Variants in PRPF18 observed in about 807,000 individuals in gnomAD.
PRPF18 encodes pre-mRNA-splicing factor 18.
A neutral mutation model predicts 46.5 loss-of-function variants in PRPF18; 38 were observed. That is an observed-to-expected ratio of 0.82 (90% CI 0.63 to 1.07). The LOEUF is 1.07. Ranked by LOEUF, PRPF18 falls within the 50% of genes least tolerant of loss-of-function variation. The probability of loss-of-function intolerance (pLI) is 0.00; values close to 1 mark genes in which losing one functional copy is unlikely to be tolerated. For synonymous variants in PRPF18, 152 were observed against 146.7 expected (o/e 1.04, Z -0.26); for missense variants, 263 against 410.0 (o/e 0.64, Z 3.10).
chr10:13,587,717 G>T (rs182131466), intron 1 of PRPF18, among the ~76,000 whole-genome samples: 1 of 152,342 alleles, frequency 6.6e-6, no homozygotes, highest in East Asian at 1.9e-4. Flanking sequence ...CTAAAACCCG[G>T]AAAACTTTGT....
the PRPF18 span, chr10:13,644,626 T>C: frequency 6.6e-6 from 1 of 152,222 alleles, no homozygotes; most frequent in Non-Finnish European, 1.5e-5. Context: ...TTCTCCAGAC[T>C]AGATTTCAAG....
chr10:13,605,775 C>A, intron 4 of PRPF18, 31 bp downstream of exon 4: 1 of 1,593,168 alleles, frequency 6.3e-7, no homozygotes, highest in Non-Finnish European at 8.5e-7. Flanking sequence ...TAGAAAAATA[C>A]CACTGTACTG....
chr10:13,587,314 G>T, intron 1 of PRPF18, 162 bp downstream of exon 1: 1 of 725,084 alleles, frequency 1.4e-6, no homozygotes, highest in Non-Finnish European at 2.4e-6. Context: ...CCAACCCTTG[G>T]CGTCTCACTG....
chr10:13,621,670 A>G (rs1309632684), intron 9 of PRPF18, among the ~76,000 whole-genome samples: 2 of 152,196 alleles, frequency 1.3e-5, no homozygotes, highest in African/African-American at 4.8e-5. Context: ...CTATGTATAG[A>G]TGAATTGATC....
At chr10:13,642,874 T>C in the PRPF18 span, 5 of 152,350 alleles carry the variant, frequency 3.3e-5, no homozygotes, top group East Asian at 1.9e-4. Flanking sequence ...TGATTCTCAG[T>C]GGATTGTTTT....
At chr10:13,598,376 A>G (rs563399931) in intron 2 of PRPF18, among the ~76,000 whole-genome samples, 1 of 152,292 alleles carries the variant, frequency 6.6e-6, no homozygotes, top group South Asian at 2.1e-4. Flanking sequence ...TGCTTGTAAA[A>G]TATCAATATA....
intron 9 of PRPF18, among the ~76,000 whole-genome samples, chr10:13,625,199 G>A (rs1282954154): frequency 5.9e-5 from 9 of 151,974 alleles, no homozygotes; most frequent in Non-Finnish European, 1.3e-4. Flanking sequence ...ACGTGGTGGT[G>A]CATGCCTATT....
chr10:13,593,931 G>T lies in PRPF18; in HGVS notation c.67-3527G>T, dbSNP rs146993855. 1.6e-4 allele frequency among the ~76,000 whole-genome samples: 24 copies of T among 152,286 alleles called. No individual in the cohort carries two copies. In the East Asian group the frequency reaches 2.9e-3, roughly 18 times the overall value. ...AGACAATAGGAAAGAAAATGAAATG[G>T]GTAAATACCCCAGGACCAATAGGCA... On this transcript the variant is annotated intron_variant, in intron 1 of 9. Transcript: ENST00000378572.
At chr10:13,655,867 G>A in the PRPF18 span, 2 of 152,120 alleles carry the variant, frequency 1.3e-5, no homozygotes, top group Admixed American at 6.5e-5. Flanking sequence ...TGCTGAGACC[G>A]GAGCACGAGG....
At chr10:13,619,955 A>G (rs747674952) in intron 9 of PRPF18, among the ~76,000 whole-genome samples, 33 of 152,044 alleles carry the variant, frequency 2.2e-4, no homozygotes, top group East Asian at 3.9e-4. Context: ...TCTTAAACCC[A>G]TAGTGTAACT....
intron 5 of PRPF18, among the ~76,000 whole-genome samples, 172 bp from the exon 6 acceptor site, chr10:13,611,443 G>T (rs2080267987): frequency 6.6e-6 from 1 of 152,094 alleles, no homozygotes; most frequent in African/African-American, 2.4e-5. Context: ...AATTTAAGTG[G>T]CAAATCCGTG....
chr10:13,605,022 C>T (rs1159043916), intron 3 of PRPF18, among the ~76,000 whole-genome samples: 1 of 152,176 alleles, frequency 6.6e-6, no homozygotes, highest in Non-Finnish European at 1.5e-5. Flanking sequence ...ATTGTAGAGT[C>T]ATAGGTCAGA....
chr10:13,620,558 G>A (rs931942036), intron 9 of PRPF18, among the ~76,000 whole-genome samples: 2 of 152,136 alleles, frequency 1.3e-5, no homozygotes, highest in African/African-American at 4.8e-5. Context: ...CTTCCAGCAG[G>A]TTCCTTCATG....
intron 9 of PRPF18, 58 bp downstream of exon 9, chr10:13,616,611 A>G: frequency 6.3e-7 from 1 of 1,583,896 alleles, no homozygotes; most frequent in South Asian, 1.1e-5. Flanking sequence ...TAATTCCCAA[A>G]ACTCTAAGTC....
At chr10:13,640,950 G>A in the PRPF18 span, 4 of 152,340 alleles carry the variant, frequency 2.6e-5, no homozygotes, top group East Asian at 5.8e-4. Context: ...TCACTTGGAG[G>A]GTGGCCTAAC....
intron 1 of PRPF18, among the ~76,000 whole-genome samples, chr10:13,593,252 C>T (rs748270704): frequency 7.2e-5 from 11 of 151,998 alleles, no homozygotes; most frequent in Non-Finnish European, 1.3e-4. Flanking sequence ...CAAAAAAATA[C>T]AAGAAATAGA....
At chr10:13,593,363 G>A (rs2079991069) in intron 1 of PRPF18, among the ~76,000 whole-genome samples, 1 of 152,196 alleles carries the variant, frequency 6.6e-6, no homozygotes. Context: ...TTAAATCGAA[G>A]ACTGGATGAG....
At position 13,605,547 on chromosome 10, in the gene PRPF18, A is replaced by G. The variant is rs528791756; in HGVS notation, c.250-84A>G. The G allele has an allele frequency of 1.4e-4, 192 of 1,359,686 alleles. 1 individual carries two copies. In the East Asian group the frequency reaches 4.2e-3, roughly 30 times the overall value. The allele number at this position is 1,359,686 out of a possible 1,614,324, so 84.2% of individuals were successfully genotyped here. ...CAGTGAGCCGAGATCGCACCACTGC[A>G]CTCCAGCCTGGGCAACAGAGTGAGA... is the stretch of plus-strand genomic sequence containing the variant. On this transcript the variant is annotated intron_variant, in intron 3 of 9. Coordinates refer to ENST00000378572, the MANE Select transcript of PRPF18 (RefSeq NM_003675.4).
At chr10:13,592,246 C>T (rs749418941) in intron 1 of PRPF18, 11 of 544,068 alleles carry the variant, frequency 2.0e-5, no homozygotes, top group Middle Eastern at 3.3e-4. Context: ...CCTTTTTCAC[C>T]TTGTCACCAG....
Sources: allele counts gnomAD v4.1 joint callset (sites outside exome capture counted in the v4.1 genomes callset), GRCh38; gene constraint gnomAD v4.1.1; transcripts MANE v1.5; gene names NCBI Gene and HGNC (gene_info 2026-07-23, HGNC 2026-07-21).